RSRC1: variants seen among roughly 807,000 people sequenced by gnomAD.
RSRC1 encodes serine/Arginine-related protein 53.
Under a neutral mutation model 49.1 loss-of-function variants are expected in RSRC1, and 39 were observed. The observed-to-expected ratio is 0.79, with a 90% CI of 0.61 to 1.04. The LOEUF is 1.04. Ranked by LOEUF, RSRC1 falls within the 50% of genes least tolerant of loss-of-function variation. RSRC1 has a pLI of 0.00. For missense variants in RSRC1, 388 were observed against 402.4 expected (o/e 0.96, Z 0.31); for synonymous variants, 143 against 130.8 (o/e 1.09, Z -0.63).
intron 7 of RSRC1, among the ~76,000 whole-genome samples, chr3:158,490,823 A>G (rs1739056880): frequency 6.6e-6 from 1 of 152,202 alleles, no homozygotes. Flanking sequence ...TGTTCATATT[A>G]TACACGTACT....
intron 3 of RSRC1, among the ~76,000 whole-genome samples, chr3:158,156,687 G>T (rs1383086135): frequency 6.6e-6 from 1 of 152,156 alleles, no homozygotes; most frequent in Non-Finnish European, 1.5e-5. Flanking sequence ...AGAGAATAGG[G>T]AGGCCCATAG....
At chr3:158,543,736 G>A (rs1713169327) in intron 9 of RSRC1, 3 of 362,648 alleles carry the variant, frequency 8.3e-6, no homozygotes, top group Non-Finnish European at 1.4e-5. Flanking sequence ...TAGACAAAGA[G>A]AAGCATTTTT....
At chr3:158,401,135 A>G (rs945291570) in intron 6 of RSRC1, among the ~76,000 whole-genome samples, 3 of 152,018 alleles carry the variant, frequency 2.0e-5, no homozygotes, top group African/African-American at 7.2e-5. Flanking sequence ...AGGCTATACC[A>G]TCTAGATTTG....
chr3:158,509,692 A>G (rs1223995514), intron 7 of RSRC1, among the ~76,000 whole-genome samples: 1 of 152,210 alleles, frequency 6.6e-6, no homozygotes, highest in Admixed American at 6.5e-5. Context: ...AAAAAATAGT[A>G]TATAAATTTT....
chr3:158,442,294 C>T (rs566958629), intron 6 of RSRC1, among the ~76,000 whole-genome samples: 7 of 152,184 alleles, frequency 4.6e-5, no homozygotes, highest in East Asian at 1.9e-4. Flanking sequence ...ATTTTACCCA[C>T]GGTAGAATTT....
intron 5 of RSRC1, among the ~76,000 whole-genome samples, chr3:158,298,415 AAC>A (rs770193831): frequency 5.9e-5 from 9 of 152,214 alleles, no homozygotes; most frequent in African/African-American, 1.9e-4. Flanking sequence ...TTTTAAGAAA[AAC>A]ACAATCAAAT....
chr3:158,514,110 A>G (rs1419160216), intron 7 of RSRC1, among the ~76,000 whole-genome samples: 7 of 151,696 alleles, frequency 4.6e-5, no homozygotes, highest in Non-Finnish European at 8.8e-5. Context: ...CTGTGTCTCT[A>G]TTTCCTTCAG....
At chr3:158,246,272 G>A (rs532401778) in intron 4 of RSRC1, among the ~76,000 whole-genome samples, 114 of 151,656 alleles carry the variant, frequency 7.5e-4, no homozygotes, top group Non-Finnish European at 1.5e-4. Flanking sequence ...GGGGAGGGAT[G>A]GCATTAGGAG....
At chr3:158,288,273 T>C (rs1437562986) in intron 4 of RSRC1, among the ~76,000 whole-genome samples, 1 of 152,176 alleles carries the variant, frequency 6.6e-6, no homozygotes, top group African/African-American at 2.4e-5. Context: ...GATCTAGCTA[T>C]ACCCTTCTCT....
intron 4 of RSRC1, among the ~76,000 whole-genome samples, chr3:158,272,182 T>C (rs1725556244): frequency 6.6e-6 from 1 of 152,126 alleles, no homozygotes; most frequent in Non-Finnish European, 1.5e-5. Flanking sequence ...CCCCGTGGAT[T>C]TTTTCCCTGC....
At chr3:158,325,665 T>C (rs1249860868) in intron 5 of RSRC1, among the ~76,000 whole-genome samples, 1 of 152,228 alleles carries the variant, frequency 6.6e-6, no homozygotes, top group Non-Finnish European at 1.5e-5. Flanking sequence ...GGTAGCATGA[T>C]GCCTCCAGCT....
intron 4 of RSRC1, among the ~76,000 whole-genome samples, chr3:158,248,318 T>C (rs1272907855): frequency 6.6e-6 from 1 of 152,232 alleles, no homozygotes; most frequent in African/African-American, 2.4e-5. Flanking sequence ...TCTAGCTTTT[T>C]TCATTCAGCA....
Position 158,348,170 on chromosome 3 carries a change from A to T in RSRC1, c.532-6687A>T, listed in dbSNP as rs538175583. On this transcript the variant is annotated intron_variant, in intron 5 of 9. Transcript: ENST00000611884. ...GACTTTCTACTTTTCTCTCTTTAACAACCTCAAAAGTGTTGTTGGCAGATG... is the reference window on the plus strand; with the variant it reads ...GACTTTCTACTTTTCTCTCTTTAACTACCTCAAAAGTGTTGTTGGCAGATG... Among the ~76,000 whole-genome samples, 4 of 152,276 alleles carry T rather than the reference A, an allele frequency of 2.6e-5. No homozygotes were observed. The East Asian group carries it at 7.7e-4, about 29-fold the overall frequency.
intron 6 of RSRC1, among the ~76,000 whole-genome samples, chr3:158,445,187 A>G (rs112646248): frequency 0.017 from 2,551 of 152,306 alleles, 65 homozygotes; most frequent in African/African-American, 0.059. Context: ...TCATGCTACT[A>G]TAAAGACATA....
intron 3 of RSRC1, among the ~76,000 whole-genome samples, chr3:158,183,561 A>C (rs1033329828): frequency 5.9e-5 from 9 of 152,136 alleles, no homozygotes; most frequent in African/African-American, 2.2e-4. Context: ...AGGACCACTA[A>C]AAAAAGGAGT....
At chr3:158,302,864 C>T (rs1254362974) in intron 5 of RSRC1, 1 of 151,822 alleles carries the variant, frequency 6.6e-6, no homozygotes, top group Non-Finnish European at 1.5e-5. Flanking sequence ...CATGATTTTA[C>T]CATGTTGGCC....
At chr3:158,117,564 T>C (rs1714921870) in intron 1 of RSRC1, among the ~76,000 whole-genome samples, 1 of 152,194 alleles carries the variant, frequency 6.6e-6, no homozygotes, top group African/African-American at 2.4e-5. Flanking sequence ...AGTGCTGATA[T>C]TACAAATGTG....
intron 7 of RSRC1, among the ~76,000 whole-genome samples, chr3:158,470,675 A>AACTTACC (rs1414270535): frequency 6.6e-6 from 1 of 152,190 alleles, no homozygotes; most frequent in Non-Finnish European, 1.5e-5. Context: ...ATGATTTGAT[A>AACTTACC]ACTTACCACT....
chr3:158,260,143 G>A (rs200231068), intron 4 of RSRC1, among the ~76,000 whole-genome samples: 1 of 151,316 alleles, frequency 6.6e-6, no homozygotes, highest in Non-Finnish European at 1.5e-5. Flanking sequence ...TTTTCTGAAG[G>A]AGGAGTCTCT....
Sources: allele counts gnomAD v4.1 joint callset (sites outside exome capture counted in the v4.1 genomes callset), GRCh38; gene constraint gnomAD v4.1.1; transcripts MANE v1.5; gene names NCBI Gene and HGNC (gene_info 2026-07-23, HGNC 2026-07-21).